Variants in MED12L observed in about 807,000 individuals in gnomAD.
MED12L encodes mediator of RNA polymerase II transcription subunit 12-like protein.
In MED12L, 60 loss-of-function variants were observed where a neutral mutation model predicts 281.3. The ratio of observed to expected loss-of-function variants is 0.21; its 90% CI spans 0.17 to 0.26. MED12L has a LOEUF of 0.26. MED12L is among the 10% of genes least tolerant of loss of function. The pLI is 1.00. For synonymous variants in MED12L, 974 were observed against 987.2 expected, an observed-to-expected ratio of 0.99 and a Z score of 0.25; for missense variants, 2,146 against 2,680.9, an observed-to-expected ratio of 0.80 and a Z score of 4.41.
At chr3:151,275,248 G>A (rs954485476) in intron 16 of MED12L, among the ~76,000 whole-genome samples, 6 of 152,216 alleles carry the variant, frequency 3.9e-5, no homozygotes, top group African/African-American at 9.6e-5. Flanking sequence ...TGTACAGATC[G>A]CTTTGGGCCA....
chr3:151,270,241 GTT>G lies in MED12L; in HGVS notation c.2250+76578_2250+76579del, dbSNP rs1338324671. ...TGTGTGTGTGTGTGTGTGTGTGTGT[GTT>G]TTCTTTTGGGCTCAGCTGCCTTGTT... is the stretch of plus-strand genomic sequence containing the variant. On this transcript the variant is annotated intron_variant, in intron 16 of 44. Transcript: ENST00000687756. The G allele has an allele frequency of 2.8e-3, 435 of 157,092 alleles. 4 individuals carry two copies. Among genetic ancestry groups the G allele is most frequent in the African/African-American group, 0.01 (420 of 40,834 alleles). The allele number at this position is 157,092 out of a possible 1,614,324, so 9.7% of individuals were successfully genotyped here. A position where few individuals can be genotyped will look rare whatever the true frequency, so the allele number is the denominator to read the frequency against.
chr3:151,393,088 TAGA>T (rs890400507), intron 38 of MED12L, among the ~76,000 whole-genome samples: 1 of 152,194 alleles, frequency 6.6e-6, no homozygotes, highest in Admixed American at 6.5e-5. Flanking sequence ...ACTTTGTAAA[TAGA>T]AGAAGATGGC....
At chr3:151,185,575 G>A in intron 12 of MED12L, 114 bp downstream of exon 12, 3 of 1,155,320 alleles carry the variant, frequency 2.6e-6, no homozygotes, top group Non-Finnish European at 3.6e-6. Flanking sequence ...GAGGAAAAAA[G>A]GGAGGATGTA....
chr3:151,352,087 G>A (rs1172886789), intron 17 of MED12L, among the ~76,000 whole-genome samples: 1 of 152,162 alleles, frequency 6.6e-6, no homozygotes, highest in Non-Finnish European at 1.5e-5. Flanking sequence ...TGAGACCCAA[G>A]TCTAAACATG....
intron 2 of MED12L, among the ~76,000 whole-genome samples, chr3:151,102,794 C>T (rs1261912754): frequency 6.6e-6 from 1 of 152,110 alleles, no homozygotes; most frequent in African/African-American, 2.4e-5. Flanking sequence ...CATGAATTTG[C>T]AATACATTTG....
At chr3:151,331,330 T>C (rs1385703866) in intron 16 of MED12L, among the ~76,000 whole-genome samples, 2 of 152,214 alleles carry the variant, frequency 1.3e-5, no homozygotes, top group East Asian at 3.8e-4. Flanking sequence ...CTCAGCAGAA[T>C]GTTTAGGCGC....
chr3:151,427,459 T>G (rs1577629353), intron 43 of MED12L, among the ~76,000 whole-genome samples: 1 of 152,322 alleles, frequency 6.6e-6, no homozygotes, highest in Non-Finnish European at 1.5e-5. Context: ...ACCTAGTTAC[T>G]GCTTAGGCTC....
intron 16 of MED12L, among the ~76,000 whole-genome samples, chr3:151,293,582 C>A (rs1187326192): frequency 1.1e-5 from 1 of 88,036 alleles, no homozygotes; most frequent in Non-Finnish European, 2.8e-5. Context: ...CCCTTACACA[C>A]ACACACACAC....
chr3:151,432,821 G>C lies in MED12L; in HGVS notation c.*17G>C, dbSNP rs2108499110. On this transcript the variant is annotated 3_prime_UTR_variant, in exon 45 of 45. Coordinates refer to ENST00000687756, the MANE Select transcript of MED12L (RefSeq NM_001393769.1). ...CACTTCTGAATCTGCAAGAGGAGAA[G>C]ACATGACGTTTTATGTTTGCACTGA... is the stretch of plus-strand genomic sequence containing the variant. 6.2e-7 allele frequency: 1 copy of C among 1,605,832 alleles called. No homozygotes were observed. The highest frequency in any genetic ancestry group is 1.7e-4 in the Middle Eastern group (1 of 6,042).
intron 39 of MED12L, among the ~76,000 whole-genome samples, chr3:151,406,205 A>G (rs975228423): frequency 3.9e-5 from 6 of 152,160 alleles, no homozygotes; most frequent in African/African-American, 1.2e-4. Context: ...CAACATTTAA[A>G]AGTTTTTTTA....
rs774928477 is a variant in MED12L, at chr3:151,156,210, T to C, written c.606T>C (p.Ile202=). The C allele has an allele frequency of 2.5e-6, 4 of 1,613,206 alleles. No individual in the cohort carries two copies. In the South Asian group the frequency reaches 4.4e-5, roughly 18 times the overall value. ...TRYLREQLAK[I]SDFYHMASST... ...ATCTTCGAGAGCAGTTGGCCAAGATTTCTGACTTTTACCACATGGCCTCCA... is the reference window on the plus strand; with the variant it reads ...ATCTTCGAGAGCAGTTGGCCAAGATCTCTGACTTTTACCACATGGCCTCCA... The change falls in exon 6 of 45, where the codon ATT becomes ATC. Residue 202 remains isoleucine, a synonymous_variant. Transcript: ENST00000687756.
intron 16 of MED12L, among the ~76,000 whole-genome samples, chr3:151,242,067 G>A (rs1734235218): frequency 6.6e-6 from 1 of 152,072 alleles, no homozygotes; most frequent in African/African-American, 2.4e-5. Context: ...TTTTCCGACG[G>A]GCTTAAAAAA....
chr3:151,393,054 A>G (rs1385171567), intron 38 of MED12L, among the ~76,000 whole-genome samples: 1 of 152,162 alleles, frequency 6.6e-6, no homozygotes, highest in African/African-American at 2.4e-5. Context: ...TTTTTTCCAA[A>G]TGCTCTTCAA....
At chr3:151,384,344 C>T in intron 35 of MED12L, 126 bp downstream of exon 35, 2 of 1,004,712 alleles carry the variant, frequency 2.0e-6, no homozygotes, top group Non-Finnish European at 2.8e-6. Flanking sequence ...TGATTATTTG[C>T]TATTTGTTTC....
At chr3:151,396,272 A>G (rs1714954682) in intron 39 of MED12L, among the ~76,000 whole-genome samples, 1 of 152,240 alleles carries the variant, frequency 6.6e-6, no homozygotes, top group South Asian at 2.1e-4. Context: ...TTTTGAGTTA[A>G]AAAATTTCAC....
intron 9 of MED12L, among the ~76,000 whole-genome samples, chr3:151,164,388 C>T (rs1424028497): frequency 6.6e-6 from 1 of 152,086 alleles, no homozygotes; most frequent in Non-Finnish European, 1.5e-5. Flanking sequence ...TTATTTGTTT[C>T]AAAGCCTTAT....
At chr3:151,294,729 A>T in intron 16 of MED12L, 6 of 1,614,180 alleles carry the variant, frequency 3.7e-6, no homozygotes, top group Non-Finnish European at 4.2e-6. Context: ...TTTGGCAAAG[A>T]CAAAACAGCC....
At chr3:151,375,685 A>T (rs1335080137) in intron 27 of MED12L, among the ~76,000 whole-genome samples, 2 of 152,168 alleles carry the variant, frequency 1.3e-5, no homozygotes, top group Non-Finnish European at 2.9e-5. Flanking sequence ...CGTATATCTG[A>T]TAGAATCATT....
At chr3:151,341,586 T>C (rs945096528) in intron 16 of MED12L, among the ~76,000 whole-genome samples, 4 of 151,956 alleles carry the variant, frequency 2.6e-5, no homozygotes, top group Non-Finnish European at 2.9e-5. Context: ...TTAATTTTAT[T>C]ATTATTATAC....
Sources: allele counts gnomAD v4.1 joint callset (sites outside exome capture counted in the v4.1 genomes callset), GRCh38; gene constraint gnomAD v4.1.1; transcripts MANE v1.5; gene names NCBI Gene and HGNC (gene_info 2026-07-23, HGNC 2026-07-21).